CSMD1: variants seen among roughly 807,000 people sequenced by gnomAD.
The protein encoded by CSMD1 is CUB and sushi domain-containing protein 1.
Under a neutral mutation model 417.5 loss-of-function variants are expected in CSMD1, and 213 were observed. The ratio of observed to expected loss-of-function variants is 0.51; its 90% confidence interval spans 0.46 to 0.57. The LOEUF (loss-of-function observed/expected upper bound fraction) is 0.57. CSMD1 is among the 20% of genes least tolerant of loss of function. The pLI, the probability that CSMD1 is intolerant of heterozygous loss-of-function variation, is 0.00. For synonymous variants in CSMD1, 2,862 were observed against 1,736.8 expected (o/e 1.65, Z -16.11); for missense variants, 6,923 against 4,529.7 (o/e 1.53, Z -15.17).
intron 3 of CSMD1, among the ~76,000 whole-genome samples, chr8:4,362,354 C>G (rs1162009756): frequency 6.6e-6 from 1 of 152,128 alleles, no homozygotes; most frequent in East Asian, 1.9e-4. Flanking sequence ...GCTCATCTGT[C>G]TGCCCCCTGC....
intron 3 of CSMD1, among the ~76,000 whole-genome samples, chr8:4,172,495 A>T (rs1263747544): frequency 6.6e-6 from 1 of 152,162 alleles, no homozygotes; most frequent in African/African-American, 2.4e-5. Flanking sequence ...AATTAAAAAA[A>T]AAAACTGAAG....
intron 3 of CSMD1, among the ~76,000 whole-genome samples, chr8:4,067,711 G>C (rs1799325710): frequency 6.6e-6 from 1 of 152,154 alleles, no homozygotes; most frequent in African/African-American, 2.4e-5. Flanking sequence ...TTCCATGTTA[G>C]ATAGTGTAAT....
intron 5 of CSMD1, among the ~76,000 whole-genome samples, chr8:3,993,944 A>C (rs1459280273): frequency 6.6e-6 from 1 of 152,178 alleles, no homozygotes; most frequent in African/African-American, 2.4e-5. Flanking sequence ...CCAGGGATGA[A>C]AACGCCCAGT....
chr8:4,126,237 A>G (rs1563156680), intron 3 of CSMD1, among the ~76,000 whole-genome samples: 1 of 152,116 alleles, frequency 6.6e-6, no homozygotes, highest in Non-Finnish European at 1.5e-5. Flanking sequence ...AGTAATAATA[A>G]AACTCCAGTC....
chr8:4,741,335 C>T lies in CSMD1; in HGVS notation c.86-103777G>A, dbSNP rs138930277. ...AAAAACAGGGAATTTTTCTCTCAGA[C>T]CATACTATGTCTACATTATTCTAAT... On this transcript the variant is annotated intron_variant, in intron 1 of 69. Coordinates refer to ENST00000635120, the MANE Select transcript of CSMD1 (RefSeq NM_033225.6). 6.6e-4 allele frequency among the ~76,000 whole-genome samples: 100 copies of T among 152,258 alleles called. No homozygotes were observed. In the East Asian group the frequency reaches 0.018, roughly 28 times the overall value.
intron 3 of CSMD1, among the ~76,000 whole-genome samples, chr8:4,113,167 C>T (rs1176253160): frequency 2.0e-5 from 3 of 152,120 alleles, no homozygotes; most frequent in Admixed American, 6.6e-5. Flanking sequence ...CTCGGGCCTT[C>T]CTAGCCCCAG....
chr8:3,577,427 C>G (rs912239231), intron 9 of CSMD1, among the ~76,000 whole-genome samples: 1 of 152,122 alleles, frequency 6.6e-6, no homozygotes, highest in Non-Finnish European at 1.5e-5. Context: ...TTAGAAATCT[C>G]TGTCCGTCTT....
chr8:3,538,313 T>G (rs186904909), intron 10 of CSMD1, among the ~76,000 whole-genome samples: 1 of 152,164 alleles, frequency 6.6e-6, no homozygotes, highest in African/African-American at 2.4e-5. Flanking sequence ...ATGGTACACG[T>G]GCGATGCCTC....
intron 10 of CSMD1, among the ~76,000 whole-genome samples, chr8:3,546,877 G>A (rs1440715396): frequency 6.6e-6 from 1 of 152,204 alleles, no homozygotes; most frequent in Admixed American, 6.5e-5. Flanking sequence ...AAACGATGTT[G>A]CAAGGGAAAC....
intron 5 of CSMD1, among the ~76,000 whole-genome samples, chr8:3,831,009 C>G (rs1802345320): frequency 6.6e-6 from 1 of 152,122 alleles, no homozygotes; most frequent in Non-Finnish European, 1.5e-5. Context: ...AAAATTTCTG[C>G]TTGTTGGCTC....
intron 36 of CSMD1, among the ~76,000 whole-genome samples, chr8:3,185,205 T>C (rs1262370910): frequency 1.3e-5 from 2 of 152,220 alleles, no homozygotes; most frequent in African/African-American, 2.4e-5. Context: ...ACGAACTCCG[T>C]GCTAACTCCA....
intron 1 of CSMD1, among the ~76,000 whole-genome samples, chr8:4,712,195 G>A (rs897123947): frequency 1.3e-5 from 2 of 152,162 alleles, no homozygotes; most frequent in African/African-American, 2.4e-5. Flanking sequence ...AAATGTCTGC[G>A]AATCCATTAG....
chr8:4,196,248 C>G (rs934754862), intron 3 of CSMD1, among the ~76,000 whole-genome samples: 6 of 152,096 alleles, frequency 3.9e-5, no homozygotes, highest in African/African-American at 1.2e-4. Flanking sequence ...AAATAAACGT[C>G]TGCTGTGTCA....
chr8:3,556,552 C>CCCTCTCT (rs1554468422), intron 10 of CSMD1, among the ~76,000 whole-genome samples: 116 of 139,808 alleles, frequency 8.3e-4, no homozygotes, highest in African/African-American at 3.0e-3. Context: ...ACACACACAC[C>CCCTCTCT]CTCTCTCTCT....
chr8:3,207,972 A>G (rs1797399321), intron 30 of CSMD1, among the ~76,000 whole-genome samples: 1 of 152,194 alleles, frequency 6.6e-6, no homozygotes, highest in Non-Finnish European at 1.5e-5. Flanking sequence ...CAACGCAGAT[A>G]TATCCCTCAG....
intron 5 of CSMD1, among the ~76,000 whole-genome samples, chr8:3,874,086 T>C (rs966984925): frequency 6.6e-6 from 1 of 152,200 alleles, no homozygotes; most frequent in Non-Finnish European, 1.5e-5. Context: ...CTCTGTGCTA[T>C]CCTCAGGCTG....
chr8:4,949,299 G>A (rs995154479), intron 1 of CSMD1, among the ~76,000 whole-genome samples: 10 of 118,468 alleles, frequency 8.4e-5, no homozygotes, highest in African/African-American at 2.7e-4. Flanking sequence ...ATGCGTAGCT[G>A]TTTTGTTAAA....
intron 12 of CSMD1, among the ~76,000 whole-genome samples, chr8:3,410,180 C>G (rs75952288): frequency 0.012 from 1,871 of 152,202 alleles, 47 homozygotes; most frequent in East Asian, 0.095. Flanking sequence ...CCAAATACAC[C>G]AAACCTATAT....
chr8:3,501,985 G>A (rs190163718), intron 10 of CSMD1, among the ~76,000 whole-genome samples: 5 of 152,140 alleles, frequency 3.3e-5, no homozygotes, highest in East Asian at 1.9e-4. Context: ...AATGCAAAAT[G>A]GTACAGTCAC....
Sources: gnomAD v4.1 joint callset for allele counts (sites outside exome capture counted in the v4.1 genomes callset) on GRCh38, gnomAD v4.1.1 for gene constraint, MANE v1.5 for transcripts, NCBI Gene and HGNC (gene_info 2026-07-23, HGNC 2026-07-21) for gene names.